The following LPAR1 variants were observed in gnomAD, a reference collection of about 807,000 sequenced individuals.
LPAR1 encodes lysophosphatidic acid receptor 1, also known as LPA receptor 1.
LPAR1 carries 5 observed loss-of-function variants against 23.8 expected under a neutral mutation model. The observed-to-expected ratio is 0.21, with a 90% CI of 0.11 to 0.44. LPAR1 has a LOEUF of 0.44. Ranked by LOEUF, LPAR1 falls within the 20% of genes least tolerant of loss-of-function variation. The probability of loss-of-function intolerance (pLI) is 0.99; values close to 1 mark genes in which losing one functional copy is unlikely to be tolerated. For synonymous variants in LPAR1, 160 were observed against 164.7 expected (o/e 0.97, Z 0.22); for missense variants, 311 against 482.8 (o/e 0.64, Z 3.33).
chr9:110,880,857 C>G (rs1303502989), intron 5 of LPAR1, among the ~76,000 whole-genome samples: 2 of 152,222 alleles, frequency 1.3e-5, no homozygotes, highest in African/African-American at 4.8e-5. Context: ...TAGTTCATCT[C>G]TGTAGTTACG....
chr9:110,877,521 A>G (rs1354903666), intron 5 of LPAR1, among the ~76,000 whole-genome samples: 1 of 152,218 alleles, frequency 6.6e-6, no homozygotes, highest in Non-Finnish European at 1.5e-5. Context: ...CTAAACATAA[A>G]GGAAAATCAA....
At chr9:110,992,805 A>G (rs2096921626) in intron 2 of LPAR1, among the ~76,000 whole-genome samples, 1 of 152,200 alleles carries the variant, frequency 6.6e-6, no homozygotes, top group African/African-American at 2.4e-5. Flanking sequence ...ACCAAAAGCA[A>G]TTAAGTGGTT....
At chr9:110,984,769 G>C (rs748031274) in intron 2 of LPAR1, among the ~76,000 whole-genome samples, 22 of 141,616 alleles carry the variant, frequency 1.6e-4, no homozygotes, top group South Asian at 8.8e-4. Context: ...TAGTAACGGT[G>C]ACAAAAAAAA....
intron 2 of LPAR1, among the ~76,000 whole-genome samples, chr9:111,015,501 A>G (rs900488405): frequency 6.6e-6 from 1 of 152,100 alleles, no homozygotes; most frequent in African/African-American, 2.4e-5. Context: ...AGTTGAACCA[A>G]GAAGTAGAGG....
At chr9:110,955,327 A>G (rs2136933378) in intron 4 of LPAR1, among the ~76,000 whole-genome samples, 1 of 152,350 alleles carries the variant, frequency 6.6e-6, no homozygotes, top group South Asian at 2.1e-4. Context: ...TTAAAACAGT[A>G]AAAAGAGATA....
At chr9:110,893,008 C>T (rs10980620) in intron 5 of LPAR1, among the ~76,000 whole-genome samples, 1 of 152,004 alleles carries the variant, frequency 6.6e-6, no homozygotes, top group East Asian at 1.9e-4. Flanking sequence ...TTAGCAAGCG[C>T]TTTGGCTTCA....
At position 111,001,839 on chromosome 9, in the gene LPAR1, C is replaced by T. The variant is rs183804920; in HGVS notation, c.-181-28281G>A. 2.6e-5 allele frequency among the ~76,000 whole-genome samples: 4 copies of T among 152,284 alleles called. No individual in the cohort carries two copies. The East Asian group carries it at 5.8e-4, about 22-fold the overall frequency. ...GGCTTCCTTCCCCTCCAAAGAAAGT[C>T]ATGTAATGTTCCTGATTCAGCAGAC... On this transcript the variant is annotated intron_variant, in intron 2 of 5. Transcript: ENST00000683809.
chr9:110,878,122 G>A (rs1032524707), intron 5 of LPAR1, among the ~76,000 whole-genome samples: 2 of 152,140 alleles, frequency 1.3e-5, no homozygotes, highest in African/African-American at 4.8e-5. Flanking sequence ...TTCACTGAAA[G>A]GAACTGGTTT....
chr9:110,948,890 G>A (rs1449890378), intron 4 of LPAR1, among the ~76,000 whole-genome samples: 3 of 149,070 alleles, frequency 2.0e-5, no homozygotes, highest in Non-Finnish European at 4.4e-5. Context: ...TAAGATCTTC[G>A]TATTGGTAAG....
intron 2 of LPAR1, among the ~76,000 whole-genome samples, chr9:111,004,302 C>T (rs1355035324): frequency 6.6e-6 from 1 of 152,148 alleles, no homozygotes; most frequent in Non-Finnish European, 1.5e-5. Context: ...CCTCATTTCC[C>T]AGTCCTCAGA....
At chr9:110,911,086 C>A (rs1388628588) in intron 5 of LPAR1, among the ~76,000 whole-genome samples, 1 of 152,178 alleles carries the variant, frequency 6.6e-6, no homozygotes, top group African/African-American at 2.4e-5. Context: ...CAAACAGTAT[C>A]ACATGCTACT....
intron 5 of LPAR1, among the ~76,000 whole-genome samples, chr9:110,882,716 A>G (rs1204573875): frequency 2.0e-5 from 3 of 152,194 alleles, no homozygotes; most frequent in Non-Finnish European, 4.4e-5. Flanking sequence ...TTCTGAGATG[A>G]CAGGCAGGAG....
chr9:110,900,483 C>A (rs906027112), intron 5 of LPAR1, among the ~76,000 whole-genome samples: 2 of 152,178 alleles, frequency 1.3e-5, no homozygotes, highest in African/African-American at 4.8e-5. Context: ...GATAAAGTTT[C>A]TCCCCCAAAA....
At chr9:110,934,808 G>A (rs1300573880) in intron 5 of LPAR1, among the ~76,000 whole-genome samples, 1 of 147,876 alleles carries the variant, frequency 6.8e-6, no homozygotes, top group Non-Finnish European at 1.5e-5. Context: ...GAATATAACT[G>A]AACACACACA....
chr9:110,983,920 C>T (rs1037380818), intron 2 of LPAR1, among the ~76,000 whole-genome samples: 2 of 151,920 alleles, frequency 1.3e-5, no homozygotes, highest in Non-Finnish European at 2.9e-5. Context: ...GCCAATCAAG[C>T]CTTTGTTTAC....
intron 5 of LPAR1, among the ~76,000 whole-genome samples, chr9:110,892,111 T>C (rs1239648299): frequency 1.3e-5 from 2 of 152,330 alleles, no homozygotes; most frequent in African/African-American, 2.4e-5. Context: ...ATATTTGTAA[T>C]AGTCAGTAAC....
rs568005229 is a variant in LPAR1 at position 110,965,585 on chromosome 9, C to A, written c.45+6488G>T. ...AACCACAATGAGATACCATCTCACA[C>A]CAGTTAGAATGATGATTATTAAAAA... On this transcript the variant is annotated intron_variant, in intron 4 of 5. Transcript: ENST00000683809. 2.6e-4 allele frequency among the ~76,000 whole-genome samples: 39 copies of A among 152,262 alleles called. No homozygotes were observed. The South Asian group carries it at 8.1e-3, about 32-fold the overall frequency.
chr9:111,003,272 G>A (rs2097161179), intron 2 of LPAR1, among the ~76,000 whole-genome samples: 2 of 152,200 alleles, frequency 1.3e-5, no homozygotes, highest in South Asian at 4.1e-4. Flanking sequence ...GTCACAAACA[G>A]AGAAGGCAGG....
At chr9:110,994,380 C>A (rs1237278418) in intron 2 of LPAR1, among the ~76,000 whole-genome samples, 1 of 152,118 alleles carries the variant, frequency 6.6e-6, no homozygotes, top group Non-Finnish European at 1.5e-5. Flanking sequence ...CCTTCACTAT[C>A]AAGGATATTG....
Sources: gnomAD v4.1 joint callset for allele counts (sites outside exome capture counted in the v4.1 genomes callset) on GRCh38, gnomAD v4.1.1 for gene constraint, MANE v1.5 for transcripts, NCBI Gene and HGNC (gene_info 2026-07-23, HGNC 2026-07-21) for gene names.